The following SCHIP1 variants were observed in gnomAD, a reference collection of about 807,000 sequenced individuals.
SCHIP1 encodes schwannomin interacting protein 1.
A neutral mutation model predicts 29.7 loss-of-function variants in SCHIP1; 8 were observed. The ratio of observed to expected loss-of-function variants is 0.27; its 90% CI spans 0.16 to 0.49. SCHIP1 has a LOEUF of 0.49. Among genes scored for constraint, SCHIP1 ranks in the 20% least tolerant of loss-of-function variants. The pLI, the probability that SCHIP1 is intolerant of heterozygous loss-of-function variation, is 0.99. For missense variants in SCHIP1, 193 were observed against 294.6 expected, an observed-to-expected ratio of 0.66 and a Z score of 2.52; for synonymous variants, 76 against 94.9, an observed-to-expected ratio of 0.80 and a Z score of 1.16.
the SCHIP1 span, among the ~76,000 whole-genome samples, chr3:159,744,849 G>A: frequency 1.3e-5 from 2 of 152,210 alleles, no homozygotes; most frequent in African/African-American, 4.8e-5. Context: ...GCTGGGCGTG[G>A]TGGCAGGCGC....
the SCHIP1 span, among the ~76,000 whole-genome samples, chr3:159,775,162 A>G: frequency 6.6e-6 from 1 of 152,228 alleles, no homozygotes. Context: ...GTCTGAGATG[A>G]TTGATCCCTT....
chr3:159,441,490 G>C, the SCHIP1 span, among the ~76,000 whole-genome samples: 65 of 152,152 alleles, frequency 4.3e-4, no homozygotes, highest in African/African-American at 1.5e-3. Flanking sequence ...GGGGTGACAG[G>C]AGTGGGGAAG....
At chr3:159,738,868 T>C in the SCHIP1 span, among the ~76,000 whole-genome samples, 1 of 152,052 alleles carries the variant, frequency 6.6e-6, no homozygotes. Flanking sequence ...GGAGGTAAGA[T>C]CGAATATGGA....
chr3:159,326,097 T>C, the SCHIP1 span, among the ~76,000 whole-genome samples: 1 of 152,124 alleles, frequency 6.6e-6, no homozygotes, highest in Non-Finnish European at 1.5e-5. Context: ...ATAATGTCAC[T>C]GAGACACGGA....
At position 159,857,057 on chromosome 3, in the gene SCHIP1, A is replaced by C. The variant is rs77331558; in HGVS notation, c.31-9106A>C. ...GCCCCACCTCAGCCACCTGGGAAAA[A>C]TCTCTTCCGCTTTGTGGGCCAGGTT... On this transcript the variant is annotated intron_variant, in intron 1 of 6. Transcript: ENST00000445224. 2.8e-4 allele frequency among the ~76,000 whole-genome samples: 43 copies of C among 152,254 alleles called. No individual in the cohort carries two copies. In the East Asian group the frequency reaches 6.2e-3, roughly 22 times the overall value.
the SCHIP1 span, among the ~76,000 whole-genome samples, chr3:159,593,942 C>T: frequency 6.6e-6 from 1 of 152,220 alleles, no homozygotes; most frequent in Non-Finnish European, 1.5e-5. Context: ...TCCTGATTGC[C>T]TCTGTGATCA....
At chr3:159,568,648 T>C in the SCHIP1 span, among the ~76,000 whole-genome samples, 275 of 152,218 alleles carry the variant, frequency 1.8e-3, no homozygotes, top group Middle Eastern at 6.8e-3. Flanking sequence ...CAATATTCCA[T>C]GTTGTTTGAG....
At chr3:159,677,568 G>C in the SCHIP1 span, among the ~76,000 whole-genome samples, 1 of 152,176 alleles carries the variant, frequency 6.6e-6, no homozygotes. Flanking sequence ...GTTAGGTTAA[G>C]AGGACAGATG....
the SCHIP1 span, among the ~76,000 whole-genome samples, chr3:159,517,215 A>C: frequency 4.9e-4 from 75 of 152,310 alleles, no homozygotes; most frequent in African/African-American, 1.6e-3. Flanking sequence ...TTATCAGAAA[A>C]AATATTATTA....
At chr3:159,718,910 A>G in the SCHIP1 span, among the ~76,000 whole-genome samples, 2 of 152,246 alleles carry the variant, frequency 1.3e-5, no homozygotes, top group African/African-American at 4.8e-5. Flanking sequence ...ACCAAAAAAG[A>G]GCCCACATTG....
intron 6 of SCHIP1, chr3:159,894,028 A>G (rs1717816200): frequency 1.3e-5 from 2 of 152,188 alleles, no homozygotes; most frequent in South Asian, 4.1e-4. Context: ...CTTTACCTGT[A>G]CAACTCCTAC....
At chr3:159,673,266 C>A in the SCHIP1 span, among the ~76,000 whole-genome samples, 1 of 152,226 alleles carries the variant, frequency 6.6e-6, no homozygotes, top group Non-Finnish European at 1.5e-5. Flanking sequence ...GGTACAAAGT[C>A]TCAGCTGTGC....
chr3:159,840,708 G>A (rs1262904458), intron 1 of SCHIP1, among the ~76,000 whole-genome samples: 1 of 152,192 alleles, frequency 6.6e-6, no homozygotes, highest in Non-Finnish European at 1.5e-5. Flanking sequence ...GATGTTTAAA[G>A]TTGCACTTGT....
the SCHIP1 span, among the ~76,000 whole-genome samples, chr3:159,780,803 T>A: frequency 6.6e-6 from 1 of 152,208 alleles, no homozygotes. Context: ...CTAGCCCCCA[T>A]AGGGATTCGA....
intron 2 of SCHIP1, among the ~76,000 whole-genome samples, chr3:159,869,882 G>T (rs2109292138): frequency 6.6e-6 from 1 of 151,486 alleles, no homozygotes; most frequent in Non-Finnish European, 1.5e-5. Context: ...TCTTAATAAG[G>T]TTTAGACATA....
At chr3:159,337,092 G>A in the SCHIP1 span, among the ~76,000 whole-genome samples, 36,349 of 152,018 alleles carry the variant, frequency 0.24, 4,677 homozygotes, top group African/African-American at 0.33. Context: ...AACCAATGAA[G>A]AAAACCATGA....
the SCHIP1 span, among the ~76,000 whole-genome samples, chr3:159,568,032 T>C: frequency 6.6e-6 from 1 of 152,086 alleles, no homozygotes; most frequent in East Asian, 1.9e-4. Context: ...GTTAGATTTA[T>C]TTCTAGGAGC....
the SCHIP1 span, among the ~76,000 whole-genome samples, chr3:159,570,591 T>C: frequency 6.6e-6 from 1 of 152,304 alleles, no homozygotes; most frequent in East Asian, 1.9e-4. Flanking sequence ...TGCCTCCAGC[T>C]TTGTTCTTTT....
chr3:159,489,076 T>G, the SCHIP1 span, among the ~76,000 whole-genome samples: 4 of 152,254 alleles, frequency 2.6e-5, no homozygotes, highest in Non-Finnish European at 5.9e-5. Flanking sequence ...ATGCAAGCCA[T>G]AGCACTGATT....
Sources: gnomAD v4.1 joint callset for allele counts (sites outside exome capture counted in the v4.1 genomes callset) on GRCh38, gnomAD v4.1.1 for gene constraint, MANE v1.5 for transcripts, NCBI Gene and HGNC (gene_info 2026-07-23, HGNC 2026-07-21) for gene names.